Variants in ABL1 observed in about 807,000 individuals in gnomAD.
ABL1 encodes the protein tyrosine-protein kinase ABL1.
A neutral mutation model predicts 94.7 loss-of-function variants in ABL1; 11 were observed. That is an observed-to-expected ratio of 0.12 (90% CI 0.07 to 0.19). The LOEUF is 0.19. Ranked by LOEUF, ABL1 falls within the 10% of genes least tolerant of loss-of-function variation. The pLI, the probability that ABL1 is intolerant of heterozygous loss-of-function variation, is 1.00. For synonymous variants in ABL1, 656 were observed against 622.4 expected, an observed-to-expected ratio of 1.05 and a Z score of -0.80; for missense variants, 1,082 against 1,489.4, an observed-to-expected ratio of 0.73 and a Z score of 4.50.
chr9:130,807,244 T>C (rs1443937973), intron 1 of ABL1, among the ~76,000 whole-genome samples: 1 of 152,184 alleles, frequency 6.6e-6, no homozygotes, highest in Admixed American at 6.5e-5. Flanking sequence ...TCCTGTGTAC[T>C]CCGTAACAGA....
At chr9:130,881,878 A>C (rs926671697) in intron 10 of ABL1, among the ~76,000 whole-genome samples, 2 of 113,746 alleles carry the variant, frequency 1.8e-5, no homozygotes, top group Middle Eastern at 5.2e-3. Flanking sequence ...TCTCATTAGT[A>C]AAAAAAAAAC....
intron 1 of ABL1, among the ~76,000 whole-genome samples, chr9:130,754,929 AGAGGAGTACG>A (rs1375348619): frequency 6.6e-6 from 1 of 152,176 alleles, no homozygotes; most frequent in African/African-American, 2.4e-5. Context: ...TAGGATAGTC[AGAGGAGTACG>A]TGGAGTAAGG....
At chr9:130,861,582 T>C (rs1437829179) in intron 3 of ABL1, among the ~76,000 whole-genome samples, 3 of 152,174 alleles carry the variant, frequency 2.0e-5, no homozygotes, top group Non-Finnish European at 4.4e-5. Flanking sequence ...AGTAATAAGA[T>C]ATTACAGTTA....
intron 1 of ABL1, among the ~76,000 whole-genome samples, chr9:130,722,317 T>C (rs1228805084): frequency 1.3e-5 from 2 of 152,074 alleles, no homozygotes; most frequent in South Asian, 4.2e-4. Context: ...CGCTTGAACC[T>C]GGGAGGCAGA....
intron 6 of ABL1, among the ~76,000 whole-genome samples, 149 bp from the exon 7 acceptor site, chr9:130,874,712 GGCACTGT>G (rs944356919): frequency 3.3e-5 from 5 of 152,222 alleles, no homozygotes; most frequent in African/African-American, 1.2e-4. Flanking sequence ...CTGAGAGGCT[GGCACTGT>G]GTTAATTGCC....
chr9:130,797,520 G>A (rs937010854), intron 1 of ABL1, among the ~76,000 whole-genome samples: 3 of 152,030 alleles, frequency 2.0e-5, no homozygotes, highest in South Asian at 2.1e-4. Flanking sequence ...TACTACAGGC[G>A]TGTGCCGCCA....
At chr9:130,750,192 C>CATATATATACATATATATATAT (rs1831938441) in intron 1 of ABL1, among the ~76,000 whole-genome samples, 1 of 106,444 alleles carries the variant, frequency 9.4e-6, no homozygotes, top group African/African-American at 3.1e-5. Flanking sequence ...AAAAAAAATA[C>CATATATATACATATATATATAT]ATATATATAT....
chr9:130,742,636 A>T (rs1831834210), intron 1 of ABL1, among the ~76,000 whole-genome samples: 2 of 152,216 alleles, frequency 1.3e-5, no homozygotes, highest in Admixed American at 1.3e-4. Context: ...TTTATTCTAA[A>T]GTGCAAATCT....
At chr9:130,764,742 G>A (rs149526976) in intron 1 of ABL1, among the ~76,000 whole-genome samples, 4,712 of 152,232 alleles carry the variant, frequency 0.031, 251 homozygotes, top group African/African-American at 0.11. Context: ...TGGATCACGA[G>A]GTCAGGAGTT....
Position 130,872,073 on chromosome 9 carries a change from AC to A in ABL1, c.823-53del. On this transcript the variant is annotated intron_variant, in intron 4 of 10. Transcript: ENST00000318560. This position sits in a 1 kb window ranked among gnomAD's most constrained non-coding sequence, Gnocchi z 5.0. Reference sequence around the variant, plus strand: ...TTTTGCATTAACTAGTCAAGTACTTACCCACTGAAAAGCACTTCCTGAAATA... The same window carrying A: ...TTTTGCATTAACTAGTCAAGTACTTACCACTGAAAAGCACTTCCTGAAATA... The A allele has an allele frequency of 6.6e-7, 1 of 1,516,126 alleles. No individual in the cohort carries two copies. 93.9% of individuals were successfully genotyped at this position (1,516,126 alleles called of 1,614,324 possible).
At chr9:130,861,019 C>T (rs1478518098) in intron 3 of ABL1, among the ~76,000 whole-genome samples, 4 of 152,192 alleles carry the variant, frequency 2.6e-5, no homozygotes, top group Admixed American at 6.5e-5. Context: ...TGTGCACGTT[C>T]GTGGGTCTGA....
intron 1 of ABL1, among the ~76,000 whole-genome samples, chr9:130,770,618 C>A (rs946486): frequency 6.6e-6 from 1 of 152,038 alleles, no homozygotes; most frequent in Admixed American, 6.5e-5. Context: ...CTTTTAATTA[C>A]TTGGCACATA....
intron 1 of ABL1, among the ~76,000 whole-genome samples, chr9:130,811,104 T>TA (rs34248793): frequency 5.1e-4 from 74 of 145,300 alleles, no homozygotes; most frequent in East Asian, 2.4e-3. Flanking sequence ...TTTCAGACTT[T>TA]AAAAAAAAAA....
At chr9:130,831,358 A>G (rs1830493177), upstream of ABL1, among the ~76,000 whole-genome samples, 2 of 151,956 alleles carry the variant, frequency 1.3e-5, no homozygotes, top group South Asian at 4.2e-4. Context: ...TTCCCTTGAC[A>G]CACTTCTATG....
chr9:130,790,208 T>A (rs1355946737), intron 1 of ABL1, among the ~76,000 whole-genome samples: 3 of 152,246 alleles, frequency 2.0e-5, no homozygotes, highest in Non-Finnish European at 4.4e-5. Flanking sequence ...GAGGTTTAAA[T>A]GTAGAGTTCT....
exon 1 of ABL1, chr9:130,714,074 G>T: frequency 2.6e-6 from 1 of 381,872 alleles, no homozygotes; most frequent in South Asian, 8.2e-5. Flanking sequence ...AAACTTTTGG[G>T]TAACATTGCA....
At chr9:130,805,310 C>T (rs1422171037) in intron 1 of ABL1, among the ~76,000 whole-genome samples, 1 of 152,292 alleles carries the variant, frequency 6.6e-6, no homozygotes, top group Admixed American at 6.5e-5. Context: ...GAACTCCTGA[C>T]CTCGTGATTC....
chr9:130,792,925 G>C (rs1008504595), intron 1 of ABL1, among the ~76,000 whole-genome samples: 2 of 152,088 alleles, frequency 1.3e-5, no homozygotes. Context: ...CTACCAAAGG[G>C]TAATACTTTT....
chr9:130,806,233 A>G (rs143538607), intron 1 of ABL1, among the ~76,000 whole-genome samples: 1 of 152,354 alleles, frequency 6.6e-6, no homozygotes, highest in East Asian at 1.9e-4. Context: ...GAAGCTCACT[A>G]TAATACCATT....
Sources: gnomAD v4.1 joint callset for allele counts (sites outside exome capture counted in the v4.1 genomes callset) on GRCh38, gnomAD v4.1.1 for gene constraint, Gnocchi (gnomAD v3.1) non-coding constraint, MANE v1.5 for transcripts, NCBI Gene and HGNC (gene_info 2026-07-23, HGNC 2026-07-21) for gene names.